The following NAA40 variants were observed in gnomAD, a reference collection of about 807,000 sequenced individuals.
NAA40 encodes the protein N-alpha-acetyltransferase 40, NatD catalytic subunit, also known as N-alpha-acetyltransferase 40.
NAA40 carries 26 observed loss-of-function variants against 36.6 expected under a neutral mutation model. The observed-to-expected ratio is 0.71, with a 90% CI of 0.52 to 0.98. The LOEUF (loss-of-function observed/expected upper bound fraction) is 0.98. Ranked by LOEUF, NAA40 falls within the 50% of genes least tolerant of loss-of-function variation. NAA40 has a pLI of 0.00. For missense variants in NAA40, 237 were observed against 306.5 expected (o/e 0.77, Z 1.69); for synonymous variants, 129 against 108.4 (o/e 1.19, Z -1.18).
intron 1 of NAA40, among the ~76,000 whole-genome samples, chr11:63,943,350 G>A (rs1453181400): frequency 2.6e-5 from 4 of 152,148 alleles, no homozygotes; most frequent in African/African-American, 4.8e-5. Flanking sequence ...GTGTTGGCAC[G>A]CTGTTACCAA....
At chr11:63,943,828 G>A (rs948653828) in intron 1 of NAA40, among the ~76,000 whole-genome samples, 1 of 152,130 alleles carries the variant, frequency 6.6e-6, no homozygotes, top group African/African-American at 2.4e-5. Flanking sequence ...GAAACATAAT[G>A]TTTGTAAAGG....
intron 1 of NAA40, among the ~76,000 whole-genome samples, chr11:63,941,510 C>A (rs946721804): frequency 6.6e-6 from 1 of 152,022 alleles, no homozygotes; most frequent in Admixed American, 6.6e-5. Flanking sequence ...AATTCTTTTT[C>A]TGAAAAGTGG....
chr11:63,952,506 C>T lies in NAA40; in HGVS notation c.351C>T (p.Val117=), dbSNP rs763261142. The part of the protein sequence containing the change: ...WYLIAWENSS[V]PVAFSHFRFD... Reference sequence around the variant, plus strand: ...TCATCGCGTGGGAAAACAGCTCCGTCCCTGTTGCCTTTTCTCACTTCCGGT... The same window carrying T: ...TCATCGCGTGGGAAAACAGCTCCGTTCCTGTTGCCTTTTCTCACTTCCGGT... Residue 117 remains valine (V), a synonymous_variant, in exon 5 of 8, where the codon GTC becomes GTT. Transcript: ENST00000377793. 1.2e-6 allele frequency: 2 copies of T among 1,614,178 alleles called. No homozygotes were observed. The highest frequency in any genetic ancestry group is 1.7e-6 in the Non-Finnish European group (2 of 1,180,046).
chr11:63,952,438 C>G lies in NAA40; in HGVS notation c.283C>G (p.Arg95Gly). The stretch of plus-strand genomic sequence containing the variant: ...GCAGAGCGAGTGGGGCTGGAAGGAC[C>G]GAGAGAAACGGGAGGAAATGACAGA... ...YEQSEWGWKD[R>G]EKREEMTDDR... Residue 95 changes from arginine (R) to glycine (G), a missense_variant, in exon 5 of 8, where the codon CGA becomes GGA. Transcript: ENST00000377793. The G allele has an allele frequency of 6.2e-7, 1 of 1,614,168 alleles. No homozygotes were observed. Among genetic ancestry groups the G allele is most frequent in the Non-Finnish European group, 8.5e-7 (1 of 1,180,026 alleles).
At chr11:63,949,426 A>G (rs1942240192) in intron 3 of NAA40, among the ~76,000 whole-genome samples, 1 of 152,106 alleles carries the variant, frequency 6.6e-6, no homozygotes, top group Admixed American at 6.6e-5. Context: ...CGTACCCAAT[A>G]GGTAAATTTT....
At chr11:63,951,750 A>C (rs913775646) in intron 3 of NAA40, among the ~76,000 whole-genome samples, 21 of 152,106 alleles carry the variant, frequency 1.4e-4, no homozygotes, top group Admixed American at 2.6e-4. Context: ...CGAAGGACCT[A>C]GGGTCACCCA....
chr11:63,944,731 C>T (rs1378524549), intron 1 of NAA40, among the ~76,000 whole-genome samples: 6 of 152,012 alleles, frequency 3.9e-5, no homozygotes, highest in Middle Eastern at 3.4e-3. Context: ...GGTGAAACCC[C>T]GTCACTACTA....
At position 63,939,085 on chromosome 11, in the gene NAA40, G is replaced by T. The variant is rs374134584; in HGVS notation, c.-12G>T. The T allele has an allele frequency of 8.9e-4, 1,425 of 1,604,748 alleles. 18 individuals are homozygous for T. The South Asian group carries it at 0.015, about 17-fold the overall frequency. On this transcript the variant is annotated 5_prime_UTR_variant, in exon 1 of 8. Coordinates refer to ENST00000377793, the MANE Select transcript of NAA40 (RefSeq NM_024771.4). ...GTGTGTGAAGAAGAAGCTGAGCGTT[G>T]TCGCCGCCGCTATGGGGGTGAGTGA... is the stretch of plus-strand genomic sequence containing the variant.
intron 1 of NAA40, among the ~76,000 whole-genome samples, chr11:63,941,540 GTTTCT>G (rs1245853841): frequency 2.0e-5 from 3 of 151,758 alleles, no homozygotes; most frequent in Admixed American, 6.6e-5. Context: ...CCATCTGGAT[GTTTCT>G]TTTCTTTTCT....
In NAA40 at chr11:63,939,017, G is replaced by T. The variant is rs1282174413; in HGVS notation, c.-80G>T. On this transcript the variant is annotated 5_prime_UTR_variant, in exon 1 of 8. Coordinates refer to ENST00000377793, the MANE Select transcript of NAA40 (RefSeq NM_024771.4). ...TTGCAGGGCCGTCCGCTCTGCTGCCGCCGCTGTTGCAGCCACCGCCGTTGC... is the reference window on the plus strand; with the variant it reads ...TTGCAGGGCCGTCCGCTCTGCTGCCTCCGCTGTTGCAGCCACCGCCGTTGC... 11 of 1,366,802 alleles carry T rather than the reference G, an allele frequency of 8.0e-6. No homozygotes were observed. 84.7% of individuals were successfully genotyped at this position (1,366,802 alleles called of 1,614,324 possible).
intron 3 of NAA40, among the ~76,000 whole-genome samples, chr11:63,949,746 T>G (rs1167536086): frequency 6.8e-6 from 1 of 146,412 alleles, no homozygotes; most frequent in Non-Finnish European, 1.5e-5. Flanking sequence ...GCAAGCTGTT[T>G]TTTTTTTTTT....
At chr11:63,939,493 G>T in intron 1 of NAA40, 1 of 1,019,942 alleles carries the variant, frequency 9.8e-7, no homozygotes, top group Non-Finnish European at 1.2e-6. Flanking sequence ...ACCCTGGCTT[G>T]GAGGGAATTG....
rs756374397 is a variant in NAA40 at position 63,952,781 on chromosome 11, G to T, written c.436G>T (p.Val146Leu). The change falls in exon 6 of 8, where the codon GTG becomes TTG. Residue 146 changes from valine (V) to leucine (L), a missense_variant. By Grantham distance (32) the Val-to-Leu change is conservative. Coordinates refer to ENST00000377793, the MANE Select transcript of NAA40 (RefSeq NM_024771.4). ...CTATGAAGTGCAGTTGGAAAGCAAG[G>T]TGCGGCGGAAAGGCCTGGGGAAGTT... ...YCYEVQLESKVRRKGLGKFLI... is the reference protein window; with the variant it reads ...YCYEVQLESKLRRKGLGKFLI... 6.2e-7 allele frequency: 1 copy of T among 1,614,124 alleles called. No individual in the cohort carries two copies. Among genetic ancestry groups the T allele is most frequent in the South Asian group, 1.1e-5 (1 of 91,070 alleles).
chr11:63,950,151 G>C (rs190124268), intron 3 of NAA40, among the ~76,000 whole-genome samples: 3 of 137,572 alleles, frequency 2.2e-5, no homozygotes, highest in African/African-American at 8.4e-5. Flanking sequence ...ACAGAGTCTC[G>C]CTCTGTGCCT....
Position 63,952,223 on chromosome 11 carries a change from C to A in NAA40, c.156-15C>A. The A allele has an allele frequency of 6.3e-7, 1 of 1,594,810 alleles. No homozygotes were observed. The highest frequency in any genetic ancestry group is 1.1e-5 in the South Asian group (1 of 88,612). ...TGCTGTAACCAATTCCGTACACGTC[C>A]TGTCCTCTTCTCAGGTTGAATGTCT... On this transcript the variant is annotated splice_polypyrimidine_tract_variant and intron_variant, in intron 3 of 7. Coordinates refer to ENST00000377793, the MANE Select transcript of NAA40 (RefSeq NM_024771.4).
In NAA40 at chr11:63,951,342, G is replaced by GT. The variant is rs530820370; in HGVS notation, c.156-887dup. Among the ~76,000 whole-genome samples, 446 of 151,486 alleles carry GT rather than the reference G, an allele frequency of 2.9e-3. 2 individuals carry two copies. Among genetic ancestry groups the GT allele is most frequent in the African/African-American group, 0.01 (421 of 41,318 alleles). On this transcript the variant is annotated intron_variant, in intron 3 of 7. Transcript: ENST00000377793. ...GTTGGGCTGAAGCCTGCTTCACCCGGTTTTTTTTTGTTTGTTTGGAGACAG... is the reference window on the plus strand; with the variant it reads ...GTTGGGCTGAAGCCTGCTTCACCCGGTTTTTTTTTTGTTTGTTTGGAGACAG...
Position 63,952,393 on chromosome 11 carries a change from C to A in NAA40, c.252-14C>A. On this transcript the variant is annotated splice_polypyrimidine_tract_variant and intron_variant, in intron 4 of 7. Coordinates refer to ENST00000377793, the MANE Select transcript of NAA40 (RefSeq NM_024771.4). ...CTCGCAGCTTTCCCGTCTGACTGCT[C>A]CCAAATTCCCCAGGTATGAGCAGAG... 1 of 1,613,520 alleles carries A rather than the reference C, an allele frequency of 6.2e-7. No individual in the cohort carries two copies. Among genetic ancestry groups the A allele is most frequent in the Non-Finnish European group, 8.5e-7 (1 of 1,179,454 alleles).
chr11:63,946,845 G>A (rs753564667), intron 2 of NAA40, 106 bp from the exon 3 acceptor site: 8 of 1,603,044 alleles, frequency 5.0e-6, no homozygotes, highest in African/African-American at 1.3e-5. Flanking sequence ...TTAGTCTCCC[G>A]TTGTGGGTCC....
Position 63,954,056 on chromosome 11 carries a change from A to G in NAA40, c.572+7A>G, listed in dbSNP as rs1942323893. 1.9e-6 allele frequency: 3 copies of G among 1,613,926 alleles called. No individual in the cohort carries two copies. The highest frequency in any genetic ancestry group is 1.1e-5 in the South Asian group (1 of 91,040). On this transcript the variant is annotated splice_region_variant and intron_variant, in intron 7 of 7. Coordinates refer to ENST00000377793, the MANE Select transcript of NAA40 (RefSeq NM_024771.4). ...TCTTCAGAGAAGCGTTGCAGTAAGG[A>G]GCTGGGTGTGGGCCCTTCTGGGTGG... is the stretch of plus-strand genomic sequence containing the variant.
Sources: gnomAD v4.1 joint callset for allele counts (sites outside exome capture counted in the v4.1 genomes callset) on GRCh38, gnomAD v4.1.1 for gene constraint, MANE v1.5 for transcripts, NCBI Gene and HGNC (gene_info 2026-07-23, HGNC 2026-07-21) for gene names.